The following RAD51B variants were observed in gnomAD, a reference collection of about 807,000 sequenced individuals.
RAD51B encodes RAD51 paralog B, also known as DNA repair protein RAD51 homolog 2.
A neutral mutation model predicts 42.2 loss-of-function variants in RAD51B; 38 were observed. The observed-to-expected ratio is 0.90, with a 90% CI of 0.70 to 1.18. The LOEUF (loss-of-function observed/expected upper bound fraction) is 1.18, where lower values mean the gene tolerates loss of function less well. Among genes scored for constraint, RAD51B ranks in the 50% most tolerant of loss-of-function variants. The pLI is 0.00. For missense variants in RAD51B, 373 were observed against 400.7 expected (o/e 0.93, Z 0.59); for synonymous variants, 154 against 145.2 (o/e 1.06, Z -0.43).
intron 7 of RAD51B, among the ~76,000 whole-genome samples, chr14:68,269,156 C>T (rs1011463362): frequency 2.5e-4 from 38 of 152,186 alleles, no homozygotes; most frequent in African/African-American, 3.6e-4. Context: ...ATATTTTAAG[C>T]GTGTTACAAA....
chr14:68,532,121 T>C (rs1887348566), intron 10 of RAD51B, among the ~76,000 whole-genome samples: 1 of 152,328 alleles, frequency 6.6e-6, no homozygotes, highest in African/African-American at 2.4e-5. Flanking sequence ...TGTTAACTTA[T>C]AGAGATATTT....
intron 7 of RAD51B, among the ~76,000 whole-genome samples, chr14:68,007,435 C>T (rs1035922478): frequency 6.6e-5 from 10 of 151,906 alleles, no homozygotes; most frequent in Non-Finnish European, 1.3e-4. Flanking sequence ...TGAGGAACTG[C>T]CGAACTGTTT....
chr14:68,054,239 T>C (rs1275397139), intron 7 of RAD51B, among the ~76,000 whole-genome samples: 2 of 152,218 alleles, frequency 1.3e-5, no homozygotes, highest in African/African-American at 4.8e-5. Context: ...TTGCATTCAC[T>C]TGTCATGCCT....
chr14:68,560,489 A>G (rs1889088542), intron 10 of RAD51B, among the ~76,000 whole-genome samples: 1 of 152,022 alleles, frequency 6.6e-6, no homozygotes, highest in Admixed American at 6.6e-5. Flanking sequence ...TAATCCCAGC[A>G]CTTTGGGAGG....
intron 8 of RAD51B, among the ~76,000 whole-genome samples, chr14:68,395,048 C>T (rs2083873527): frequency 6.6e-6 from 1 of 152,150 alleles, no homozygotes; most frequent in Non-Finnish European, 1.5e-5. Flanking sequence ...GATCTGTCGG[C>T]ATCCCCCCCT....
intron 7 of RAD51B, among the ~76,000 whole-genome samples, chr14:67,949,992 C>A (rs1073026): frequency 0.069 from 10,446 of 152,182 alleles, 871 homozygotes; most frequent in African/African-American, 0.2. Context: ...GTCCTGTCAT[C>A]CAGACCTTAT....
intron 10 of RAD51B, among the ~76,000 whole-genome samples, chr14:68,619,898 G>GT (rs1409696009): frequency 6.6e-6 from 1 of 152,176 alleles, no homozygotes; most frequent in Non-Finnish European, 1.5e-5. Context: ...GGCTTCTAAT[G>GT]TGGCAAGCCT....
intron 8 of RAD51B, among the ~76,000 whole-genome samples, chr14:68,379,544 A>C (rs1305301510): frequency 6.6e-6 from 1 of 152,176 alleles, no homozygotes; most frequent in Non-Finnish European, 1.5e-5. Flanking sequence ...TAACCAAAAT[A>C]CTTACTCCCA....
chr14:67,989,547 A>T (rs1365793173), intron 7 of RAD51B, among the ~76,000 whole-genome samples: 1 of 148,746 alleles, frequency 6.7e-6, no homozygotes. Context: ...CTGAGGCAGG[A>T]GAATCACTTG....
chr14:68,511,445 T>C (rs1885720557), intron 10 of RAD51B, among the ~76,000 whole-genome samples: 1 of 152,100 alleles, frequency 6.6e-6, no homozygotes, highest in African/African-American at 2.4e-5. Context: ...CCCTAGGGGG[T>C]GACAGGAATT....
At chr14:67,865,184 T>G in intron 5 of RAD51B, 45 bp downstream of exon 5, 1 of 1,506,152 alleles carries the variant, frequency 6.6e-7, no homozygotes, top group Non-Finnish European at 8.9e-7. Context: ...TTTTGTAACT[T>G]ATATACAGCA....
intron 11 of RAD51B, among the ~76,000 whole-genome samples, chr14:68,673,275 T>C (rs137994234): frequency 6.6e-6 from 1 of 152,242 alleles, no homozygotes; most frequent in African/African-American, 2.4e-5. Context: ...GTGAAACACA[T>C]ACACATAAGA....
At chr14:68,610,927 A>G (rs1314140603) in intron 10 of RAD51B, 1 of 668,590 alleles carries the variant, frequency 1.5e-6, no homozygotes, top group East Asian at 2.7e-5. Flanking sequence ...ATGAACAGTT[A>G]TTATTCAATG....
chr14:68,577,314 T>G (rs1358132007), intron 10 of RAD51B, among the ~76,000 whole-genome samples: 1 of 152,182 alleles, frequency 6.6e-6, no homozygotes, highest in Non-Finnish European at 1.5e-5. Context: ...GCCAAGCCAC[T>G]GGACCCTTCT....
At chr14:68,333,930 C>T (rs549254505) in intron 8 of RAD51B, among the ~76,000 whole-genome samples, 59 of 152,288 alleles carry the variant, frequency 3.9e-4, no homozygotes, top group African/African-American at 1.4e-3. Context: ...TTCCCATCCC[C>T]CTCTCCACCA....
chr14:68,239,596 C>T (rs1829954127), intron 7 of RAD51B, among the ~76,000 whole-genome samples: 1 of 151,506 alleles, frequency 6.6e-6, no homozygotes, highest in Admixed American at 6.6e-5. Flanking sequence ...CTGCTCTCTT[C>T]TTTTGTTCAC....
At chr14:67,913,487 G>C (rs2044054165) in intron 7 of RAD51B, among the ~76,000 whole-genome samples, 2 of 152,192 alleles carry the variant, frequency 1.3e-5, no homozygotes. Context: ...GTTGACATTT[G>C]CACTGATGGT....
chr14:68,090,682 A>T (rs953335806), intron 7 of RAD51B, among the ~76,000 whole-genome samples: 8 of 149,866 alleles, frequency 5.3e-5, no homozygotes, highest in East Asian at 3.9e-4. Flanking sequence ...GATTTTATTT[A>T]TTTTATTTAT....
chr14:68,296,237 A>G (rs1410813250), intron 8 of RAD51B, among the ~76,000 whole-genome samples: 2 of 152,156 alleles, frequency 1.3e-5, no homozygotes, highest in Non-Finnish European at 2.9e-5. Context: ...ATCTTCTAGT[A>G]TCCACTCTGT....
Sources: gnomAD v4.1 joint callset for allele counts (sites outside exome capture counted in the v4.1 genomes callset) on GRCh38, gnomAD v4.1.1 for gene constraint, MANE v1.5 for transcripts, NCBI Gene and HGNC (gene_info 2026-07-23, HGNC 2026-07-21) for gene names.